The following XG variants were observed in gnomAD, a reference collection of about 807,000 sequenced individuals.
The protein encoded by XG is Xg glycoprotein (Xg blood group).
Under a neutral mutation model 25.7 loss-of-function variants are expected in XG, and 24 were observed. The ratio of observed to expected loss-of-function variants is 0.93; its 90% CI spans 0.68 to 1.31. The LOEUF (loss-of-function observed/expected upper bound fraction) is 1.31, where lower values mean the gene tolerates loss of function less well. Ranked by LOEUF, XG falls within the 40% of genes most tolerant of loss-of-function variation. The probability of loss-of-function intolerance (pLI) is 0.00; values close to 1 mark genes in which losing one functional copy is unlikely to be tolerated. For synonymous variants in XG, 77 were observed against 69.2 expected (o/e 1.11, Z -0.56); for missense variants, 181 against 187.6 (o/e 0.96, Z 0.21).
chrX:2,808,971 G>C (rs1164155235), intron 9 of XG, among the ~76,000 whole-genome samples: 1 of 111,660 alleles, frequency 9.0e-6, no homozygotes, highest in Non-Finnish European at 1.9e-5. Flanking sequence ...AAAGGGCAAG[G>C]CAAATAAACA....
intron 5 of XG, among the ~76,000 whole-genome samples, chrX:2,790,660 C>T (rs2086828783): frequency 9.0e-6 from 1 of 110,993 alleles, no homozygotes; most frequent in Non-Finnish European, 1.9e-5. Context: ...ATTAGCTGGG[C>T]AGAGTGACGC....
chrX:2,808,043 C>G, intron 8 of XG, 142 bp from the exon 9 acceptor site: 1 of 626,886 alleles, frequency 1.6e-6, no homozygotes, highest in Non-Finnish European at 2.6e-6. Context: ...TTGGCTGTCC[C>G]CCTCCCCCCA....
chrX:2,805,794 G>A (rs754491071), intron 7 of XG, among the ~76,000 whole-genome samples: 1 of 111,169 alleles, frequency 9.0e-6, no homozygotes, highest in African/African-American at 3.3e-5. Context: ...TAGTGATCTC[G>A]TTTTATTTTA....
In XG at chrX:2,794,604, G is replaced by T. The variant is rs763087606; in HGVS notation, c.322+1G>T. 6.7e-5 allele frequency: 81 copies of T among 1,209,486 alleles called. No homozygotes were observed. Among genetic ancestry groups the T allele is most frequent in the Non-Finnish European group, 8.6e-5 (77 of 894,958 alleles). On this transcript the variant is annotated splice_donor_variant, in intron 6 of 10. Coordinates refer to ENST00000644266, the MANE Select transcript of XG (RefSeq NM_001141919.2). LOFTEE classifies it high-confidence loss of function. Reference sequence around the variant, plus strand: ...AGGCCCAGGCCACGGCCGCCTGCAGGTAGGTGCCGAGCCTCCCCAGATGCG... The same window carrying T: ...AGGCCCAGGCCACGGCCGCCTGCAGTTAGGTGCCGAGCCTCCCCAGATGCG...
At chrX:2,810,272 C>T (rs756731959) in intron 9 of XG, among the ~76,000 whole-genome samples, 1 of 111,886 alleles carries the variant, frequency 8.9e-6, no homozygotes, top group South Asian at 3.8e-4. Flanking sequence ...ACGGTGATTT[C>T]TTCCTTTTTT....
chrX:2,754,154 G>A (rs891988778), intron 1 of XG, among the ~76,000 whole-genome samples: 7 of 151,994 alleles, frequency 4.6e-5, no homozygotes, highest in Non-Finnish European at 8.8e-5. Flanking sequence ...ACTGGAGTGC[G>A]GTGGTTCCAT....
At chrX:2,785,777 G>T (rs1311972980) in intron 4 of XG, among the ~76,000 whole-genome samples, 1 of 111,601 alleles carries the variant, frequency 9.0e-6, no homozygotes, top group Non-Finnish European at 1.9e-5. Flanking sequence ...ATTCCCAAGT[G>T]TGTATCTTGA....
At chrX:2,762,105 T>C (rs1454049828) in intron 1 of XG, among the ~76,000 whole-genome samples, 1 of 152,220 alleles carries the variant, frequency 6.6e-6, no homozygotes, top group East Asian at 1.9e-4. Context: ...AAGACGGGTT[T>C]ATAACACACC....
intron 8 of XG, among the ~76,000 whole-genome samples, chrX:2,807,725 G>A (rs2087015665): frequency 8.9e-6 from 1 of 112,498 alleles, no homozygotes; most frequent in African/African-American, 3.2e-5. Context: ...ATGCATGTGT[G>A]TGTGCACGTG....
At chrX:2,784,738 C>T (rs759323998) in intron 4 of XG, among the ~76,000 whole-genome samples, 2 of 111,508 alleles carry the variant, frequency 1.8e-5, no homozygotes, top group East Asian at 5.7e-4. Flanking sequence ...GAGGTGACCC[C>T]CCATGACTCA....
intron 2 of XG, among the ~76,000 whole-genome samples, chrX:2,771,673 G>A (rs2050822688): frequency 6.6e-6 from 1 of 152,158 alleles, no homozygotes; most frequent in Admixed American, 6.5e-5. Context: ...AATCCATTGG[G>A]CTTTAGCATT....
At chrX:2,762,802 T>A (rs767448444) in intron 1 of XG, among the ~76,000 whole-genome samples, 3 of 152,048 alleles carry the variant, frequency 2.0e-5, no homozygotes, top group Non-Finnish European at 2.9e-5. Flanking sequence ...GAGAGTGAGA[T>A]GGAGCAAGGA....
chrX:2,755,657 G>A (rs1442291929), intron 1 of XG, among the ~76,000 whole-genome samples: 1 of 152,100 alleles, frequency 6.6e-6, no homozygotes, highest in African/African-American at 2.4e-5. Flanking sequence ...CACAAGTAGC[G>A]CCCCTTAGGG....
chrX:2,762,249 C>T (rs200200608), intron 1 of XG, among the ~76,000 whole-genome samples: 79 of 152,000 alleles, frequency 5.2e-4, no homozygotes, highest in African/African-American at 1.8e-3. Flanking sequence ...CTGCAGACAC[C>T]GTCTGTTGTG....
chrX:2,808,156 T>A, intron 8 of XG, 29 bp from the exon 9 acceptor site: 1 of 1,209,907 alleles, frequency 8.3e-7, no homozygotes, highest in Non-Finnish European at 1.1e-6. Flanking sequence ...CTCTGCTGAA[T>A]AAACACGAAC....
chrX:2,764,300 C>T (rs1350628302), intron 1 of XG, among the ~76,000 whole-genome samples: 1 of 152,126 alleles, frequency 6.6e-6, no homozygotes, highest in Non-Finnish European at 1.5e-5. Flanking sequence ...GGGGCTGCTC[C>T]GTCTATGGAG....
chrX:2,766,017 T>C (rs763421138), intron 1 of XG, among the ~76,000 whole-genome samples: 2 of 152,356 alleles, frequency 1.3e-5, no homozygotes, highest in Admixed American at 6.5e-5. Flanking sequence ...TATTTATGCT[T>C]TGGTTCATCC....
At chrX:2,801,110 ACCTG>A (rs2147084015) in intron 7 of XG, among the ~76,000 whole-genome samples, 1 of 110,948 alleles carries the variant, frequency 9.0e-6, no homozygotes, top group East Asian at 2.8e-4. Context: ...ACCTAGGTAG[ACCTG>A]ATTTATTAAG....
In XG at chrX:2,752,097, C is replaced by G; in HGVS notation, c.-178C>G. ...GGTTTTCAGCTGTGGAGTTTGGGAT[C>G]TGAGCTTGGAGCCCATTTGTTTCTG... is the stretch of plus-strand genomic sequence containing the variant. On this transcript the variant is annotated 5_prime_UTR_variant, in exon 1 of 11. The change creates a new upstream start codon in the 5' untranslated region. Transcript: ENST00000644266. 1 of 1,000,150 alleles carries G rather than the reference C, an allele frequency of 1.0e-6. No homozygotes were observed. 62.0% of individuals were successfully genotyped at this position (1,000,150 alleles called of 1,614,324 possible).
Sources: allele counts gnomAD v4.1 joint callset (sites outside exome capture counted in the v4.1 genomes callset), GRCh38; gene constraint gnomAD v4.1.1; transcripts MANE v1.5; gene names NCBI Gene and HGNC (gene_info 2026-07-23, HGNC 2026-07-21).